Variants in SCGB1C1 observed in about 807,000 individuals in gnomAD.
The protein encoded by SCGB1C1 is secretoglobin family 1C member 1, also known as ligand binding protein RYD5.
In SCGB1C1, 2 loss-of-function variants were observed where a neutral mutation model predicts 8.9. The observed-to-expected ratio is 0.23, with a 90% CI of 0.09 to 0.71. The LOEUF is 0.71. Ranked by LOEUF, SCGB1C1 falls within the 30% of genes least tolerant of loss-of-function variation. The pLI is 0.78. For missense variants in SCGB1C1, 25 were observed against 112.7 expected, an observed-to-expected ratio of 0.22 and a Z score of 3.52; for synonymous variants, 6 against 45.8, an observed-to-expected ratio of 0.13 and a Z score of 3.51.
rs1423748251 is a variant in SCGB1C1 at position 193,596 on chromosome 11, G to A, written c.56-116G>A. The A allele has an allele frequency of 3.3e-5, 45 of 1,382,226 alleles. No individual in the cohort carries two copies. In the African/African-American group the frequency reaches 6.0e-4, roughly 18 times the overall value. 85.6% of individuals were successfully genotyped at this position (1,382,226 alleles called of 1,614,324 possible). A position where few individuals can be genotyped will look rare whatever the true frequency, so the allele number is the denominator to read the frequency against. Reference sequence around the variant, plus strand: ...AGGAAGCCCTGGGGAGGAGAGGTGGGCATTGAAGGGGAAGGTCTGGAGACC... The same window carrying A: ...AGGAAGCCCTGGGGAGGAGAGGTGGACATTGAAGGGGAAGGTCTGGAGACC... On this transcript the variant is annotated intron_variant, in intron 1 of 2. Transcript: ENST00000342878.
At chr11:191,842 ACCCTAACCCTAACCCCTAAC>A (rs1285463208), upstream of SCGB1C1, among the ~76,000 whole-genome samples, 36 of 41,718 alleles carry the variant, frequency 8.6e-4, no homozygotes, top group East Asian at 1.5e-3. Flanking sequence ...CCTAACCCTA[ACCCTAACCCTAACCCCTAAC>A]CCCTAACCCT....
upstream of SCGB1C1, among the ~76,000 whole-genome samples, chr11:192,104 G>T (rs569499815): frequency 6.6e-6 from 1 of 151,260 alleles, no homozygotes; most frequent in Admixed American, 6.6e-5. Context: ...GTCGTTCAAT[G>T]TAACAAGGAT....
upstream of SCGB1C1, among the ~76,000 whole-genome samples, chr11:191,846 TAACCCTAACC>T (rs1854814686): frequency 2.6e-5 from 1 of 38,766 alleles, no homozygotes; most frequent in African/African-American, 5.9e-5. Context: ...ACCCTAACCC[TAACCCTAACC>T]CCTAACCCCT....
At chr11:189,532 CGTCG>C (rs1479941709), upstream of SCGB1C1, among the ~76,000 whole-genome samples, 1 of 29,146 alleles carries the variant, frequency 3.4e-5, no homozygotes, top group African/African-American at 1.4e-4. Flanking sequence ...CAGAGACGCA[CGTCG>C]TTAGGCTGTG....
chr11:190,649 C>T (rs1165866854), upstream of SCGB1C1, among the ~76,000 whole-genome samples: 1 of 152,278 alleles, frequency 6.6e-6, no homozygotes, highest in South Asian at 2.1e-4. Flanking sequence ...CTTAGCTCCC[C>T]AACTTGCCCC....
At chr11:193,572 G>A in intron 1 of SCGB1C1, 140 bp from the exon 2 acceptor site, 1 of 1,014,526 alleles carries the variant, frequency 9.9e-7, no homozygotes, top group African/African-American at 1.6e-5. Context: ...GTGTTGTGGA[G>A]GAAGCCCTGG....
At chr11:193,524 G>C (rs1357027219) in intron 1 of SCGB1C1, among the ~76,000 whole-genome samples, 188 bp from the exon 2 acceptor site, 1 of 152,272 alleles carries the variant, frequency 6.6e-6, no homozygotes, top group Non-Finnish European at 1.5e-5. Flanking sequence ...AAGATTAAGG[G>C]GGATGTGGAG....
chr11:190,704 G>C (rs1382151731), upstream of SCGB1C1, among the ~76,000 whole-genome samples: 1,318 of 136,908 alleles, frequency 9.6e-3, no homozygotes, highest in Non-Finnish European at 0.015. Context: ...AGGTACATGT[G>C]TGGTGATCAA....
upstream of SCGB1C1, among the ~76,000 whole-genome samples, chr11:189,620 G>GTAGGCGCAGA (rs780272899): frequency 3.4e-3 from 513 of 152,072 alleles, no homozygotes; most frequent in Middle Eastern, 0.01. Flanking sequence ...GTGGAGCGTT[G>GTAGGCGCAGA]TAGGCGCAGA....
upstream of SCGB1C1, among the ~76,000 whole-genome samples, chr11:189,425 CGCGGCGCGCCGGCGCAGGCGCACA>C (rs1854733512): frequency 1.3e-5 from 2 of 150,358 alleles, no homozygotes; most frequent in Non-Finnish European, 2.9e-5. Flanking sequence ...TTGACAGAGA[CGCGGCGCGCCGGCGCAGGCGCACA>C]GAGGCGCGGC....
upstream of SCGB1C1, among the ~76,000 whole-genome samples, chr11:191,570 A>T (rs1422395337): frequency 6.7e-6 from 1 of 150,110 alleles, no homozygotes; most frequent in African/African-American, 2.5e-5. Context: ...CTAAAAATGC[A>T]CACACATCTG....
upstream of SCGB1C1, among the ~76,000 whole-genome samples, chr11:189,708 G>C (rs1419341439): frequency 6.6e-6 from 1 of 152,262 alleles, no homozygotes; most frequent in African/African-American, 2.4e-5. Context: ...GGCGCCCCCT[G>C]CTTGCAGCCG....
upstream of SCGB1C1, among the ~76,000 whole-genome samples, chr11:189,586 C>T (rs1422765391): frequency 6.6e-6 from 1 of 152,226 alleles, no homozygotes; most frequent in Non-Finnish European, 1.5e-5. Context: ...CAGAGTCACG[C>T]GCCACCGGGA....
upstream of SCGB1C1, among the ~76,000 whole-genome samples, chr11:189,652 G>A (rs1410392840): frequency 2.6e-5 from 4 of 152,280 alleles, no homozygotes; most frequent in African/African-American, 9.6e-5. Context: ...TCGGGGGCGC[G>A]GCGCAGAGAC....
chr11:190,804 G>C (rs1374291878), upstream of SCGB1C1, among the ~76,000 whole-genome samples: 1 of 152,302 alleles, frequency 6.6e-6, no homozygotes, highest in Non-Finnish European at 1.5e-5. Flanking sequence ...TGCCTCTTTT[G>C]AATGTCCTTC....
upstream of SCGB1C1, among the ~76,000 whole-genome samples, chr11:190,362 G>C (rs1299961722): frequency 1.6e-5 from 2 of 126,208 alleles, no homozygotes; most frequent in African/African-American, 5.4e-5. Context: ...AATTCAAACT[G>C]AAACGGAGCT....
At chr11:189,605 C>T, upstream of SCGB1C1, among the ~76,000 whole-genome samples, 1 of 151,792 alleles carries the variant, frequency 6.6e-6, no homozygotes, top group African/African-American at 2.4e-5. Flanking sequence ...GACGAGAGCG[C>T]GGGGGTGGAG....
chr11:190,299 C>G (rs1222985331), upstream of SCGB1C1, among the ~76,000 whole-genome samples: 12 of 144,054 alleles, frequency 8.3e-5, no homozygotes, highest in African/African-American at 2.5e-4. Flanking sequence ...GTGTGACGGC[C>G]TCCTGCACCA....
upstream of SCGB1C1, among the ~76,000 whole-genome samples, chr11:189,880 G>A (rs1389092429): frequency 3.1e-4 from 46 of 149,556 alleles, no homozygotes; most frequent in African/African-American, 9.6e-4. Flanking sequence ...GCGGCACGCC[G>A]CCTGCAGGCA....
Sources: allele counts gnomAD v4.1 joint callset (sites outside exome capture counted in the v4.1 genomes callset), GRCh38; gene constraint gnomAD v4.1.1; transcripts MANE v1.5; gene names NCBI Gene and HGNC (gene_info 2026-07-23, HGNC 2026-07-21).